TANK: variants seen among roughly 807,000 people sequenced by gnomAD.
The protein encoded by TANK is TRAF family member associated NFKB activator, also known as TRAF family member-associated NF-kappa-B activator.
In TANK, 15 loss-of-function variants were observed where a neutral mutation model predicts 43.6. The ratio of observed to expected loss-of-function variants is 0.34; its 90% CI spans 0.23 to 0.53. The LOEUF is 0.53. Among genes scored for constraint, TANK ranks in the 20% least tolerant of loss-of-function variants. The probability of loss-of-function intolerance (pLI) is 0.94; values close to 1 mark genes in which losing one functional copy is unlikely to be tolerated. For missense variants in TANK, 417 were observed against 498.6 expected, an observed-to-expected ratio of 0.84 and a Z score of 1.56; for synonymous variants, 162 against 178.2, an observed-to-expected ratio of 0.91 and a Z score of 0.73.
intron 2 of TANK, among the ~76,000 whole-genome samples, chr2:161,191,696 G>A (rs1009069315): frequency 2.0e-5 from 3 of 152,138 alleles, no homozygotes; most frequent in African/African-American, 7.2e-5. Context: ...TAACTTCTCT[G>A]CCAAAAATTG....
intron 1 of TANK, among the ~76,000 whole-genome samples, chr2:161,149,125 T>A (rs577087784): frequency 2.9e-4 from 44 of 152,292 alleles, no homozygotes; most frequent in African/African-American, 1.0e-3. Context: ...TCCATGGACA[T>A]AGGATGTCTT....
At chr2:161,227,572 A>G (rs1687695296) in intron 6 of TANK, among the ~76,000 whole-genome samples, 1 of 152,238 alleles carries the variant, frequency 6.6e-6, no homozygotes, top group South Asian at 2.1e-4. Flanking sequence ...TTTGAGTATT[A>G]TATGAATTAA....
At chr2:161,234,955 G>T (rs1263389130) in intron 7 of TANK, among the ~76,000 whole-genome samples, 1 of 152,070 alleles carries the variant, frequency 6.6e-6, no homozygotes, top group Non-Finnish European at 1.5e-5. Flanking sequence ...AATTAATAAA[G>T]CCCCTATAAT....
At chr2:161,179,011 T>C (rs1055358062) in intron 1 of TANK, among the ~76,000 whole-genome samples, 4 of 152,120 alleles carry the variant, frequency 2.6e-5, no homozygotes, top group Non-Finnish European at 5.9e-5. Flanking sequence ...AGCAGGGAAG[T>C]TGGAAAACTA....
intron 1 of TANK, among the ~76,000 whole-genome samples, chr2:161,171,807 T>A (rs1684951465): frequency 6.6e-6 from 1 of 152,224 alleles, no homozygotes; most frequent in South Asian, 2.1e-4. Flanking sequence ...TACTTCTCTT[T>A]CGAAACAACT....
At chr2:161,160,359 A>G (rs905932864), upstream of TANK, 20 of 1,114,496 alleles carry the variant, frequency 1.8e-5, no homozygotes, top group African/African-American at 3.1e-4. Context: ...GTGGAGGTGA[A>G]GAGTTAATGG....
chr2:161,217,611 G>GTC (rs1687175787), intron 4 of TANK, among the ~76,000 whole-genome samples: 1 of 151,640 alleles, frequency 6.6e-6, no homozygotes, highest in Admixed American at 6.6e-5. Context: ...GTGTGTGTGT[G>GTC]TGTGTGTGTG....
intron 4 of TANK, among the ~76,000 whole-genome samples, chr2:161,206,237 A>G (rs1320815172): frequency 6.6e-6 from 1 of 152,144 alleles, no homozygotes; most frequent in Non-Finnish European, 1.5e-5. Context: ...CCATGTTTTC[A>G]TAAGTCATTG....
chr2:161,205,877 C>T (rs1461359780), intron 4 of TANK, among the ~76,000 whole-genome samples: 10 of 152,124 alleles, frequency 6.6e-5, no homozygotes, highest in Non-Finnish European at 1.5e-4. Flanking sequence ...AATCTCTGCT[C>T]ACTGCAACCT....
In TANK at chr2:161,176,010, C is replaced by G. The variant is rs555299646; in HGVS notation, c.-49-3604C>G. Among the ~76,000 whole-genome samples the G allele has an allele frequency of 8.5e-5, 13 of 152,208 alleles. 1 individual carries two copies. The South Asian group carries it at 2.1e-3, about 24-fold the overall frequency. On this transcript the variant is annotated intron_variant, in intron 1 of 7. Transcript: ENST00000392749. ...CCAAATCCAGAAATAAAGCAAAACC[C>G]TAACTAGGAGAGTGTTTTCAAGGGA...
Position 161,231,500 on chromosome 2 carries a change from A to C in TANK, c.1050A>C (p.Ala350=), listed in dbSNP as rs1687907988. 6.2e-7 allele frequency: 1 copy of C among 1,613,462 alleles called. No homozygotes were observed. The highest frequency in any genetic ancestry group is 1.7e-5 in the Admixed American group (1 of 60,008). The change falls in exon 7 of 8, where the codon GCA becomes GCC. Residue 350 remains alanine (A), a synonymous_variant. Transcript: ENST00000392749. ...TCCCACTTCTGGACCCATCTGATGC[A>C]CCTTTTCCCTCACTCGATTCCCCGG... ...NSFPLLDPSD[A]PFPSLDSPGK...
chr2:161,223,171 C>G (rs1362386142), intron 4 of TANK: 1 of 152,014 alleles, frequency 6.6e-6, no homozygotes, highest in Non-Finnish European at 1.5e-5. Flanking sequence ...TAGGATTCTT[C>G]AAATCCTTTT....
chr2:161,226,388 T>G (rs909362196), intron 6 of TANK, among the ~76,000 whole-genome samples: 1 of 152,108 alleles, frequency 6.6e-6, no homozygotes, highest in Non-Finnish European at 1.5e-5. Context: ...TAGTGAAGTT[T>G]TGCTGGGGTC....
At chr2:161,163,044 G>T (rs1684515797) in intron 1 of TANK, 1 of 152,160 alleles carries the variant, frequency 6.6e-6, no homozygotes, top group Non-Finnish European at 1.5e-5. Flanking sequence ...GGTTCCTTTG[G>T]TAGCATTTTT....
intron 2 of TANK, among the ~76,000 whole-genome samples, chr2:161,193,041 G>C (rs1265042214): frequency 6.6e-6 from 1 of 152,192 alleles, no homozygotes; most frequent in African/African-American, 2.4e-5. Flanking sequence ...TAGCAAGAGA[G>C]GCTAGAGCAT....
At chr2:161,160,577 C>T in intron 1 of TANK, 91 bp downstream of exon 1, 2 of 1,060,242 alleles carry the variant, frequency 1.9e-6, no homozygotes, top group South Asian at 2.5e-5. Context: ...GACGCGCTGA[C>T]AGTAGGGGCG....
chr2:161,233,854 G>A (rs1266669608), intron 7 of TANK, among the ~76,000 whole-genome samples: 5 of 151,636 alleles, frequency 3.3e-5, no homozygotes, highest in Admixed American at 6.6e-5. Flanking sequence ...GTACTTTTTT[G>A]TTTAAACTGA....
At chr2:161,212,690 C>T in intron 4 of TANK, 2 of 985,176 alleles carry the variant, frequency 2.0e-6, no homozygotes, top group Non-Finnish European at 2.4e-6. Context: ...TCTCACACTT[C>T]TCTTTATTTA....
intron 4 of TANK, among the ~76,000 whole-genome samples, chr2:161,214,622 A>G (rs1020970692): frequency 6.6e-6 from 1 of 151,818 alleles, no homozygotes; most frequent in Non-Finnish European, 1.5e-5. Context: ...TTTTTGCATC[A>G]TCAGTCTAAA....
Sources: gnomAD v4.1 joint callset for allele counts (sites outside exome capture counted in the v4.1 genomes callset) on GRCh38, gnomAD v4.1.1 for gene constraint, MANE v1.5 for transcripts, NCBI Gene and HGNC (gene_info 2026-07-23, HGNC 2026-07-21) for gene names.